The following CNTN3 variants were observed in gnomAD, a reference collection of about 807,000 sequenced individuals.
CNTN3 encodes contactin 3.
Under a neutral mutation model 119.1 loss-of-function variants are expected in CNTN3, and 60 were observed. That is an observed-to-expected ratio of 0.50 (90% CI 0.41 to 0.62). The LOEUF (loss-of-function observed/expected upper bound fraction) is 0.62. Ranked by LOEUF, CNTN3 falls within the 20% of genes least tolerant of loss-of-function variation. The pLI is 0.00. For synonymous variants in CNTN3, 450 were observed against 438.7 expected (o/e 1.03, Z -0.32); for missense variants, 1,101 against 1,242.4 (o/e 0.89, Z 1.71).
Position 74,301,774 on chromosome 3 carries a change from T to C in CNTN3, c.1818A>G (p.Val606=), listed in dbSNP as rs770118460. Residue 606 remains valine, a synonymous_variant, in exon 15 of 23, where the codon GTA becomes GTG. Transcript: ENST00000263665. ...GGGCTGTTGTGTCTGTAATTTCATCTACCTTCACATTTTCTGGTGGTCCAG... is the reference window on the plus strand; with the variant it reads ...GGGCTGTTGTGTCTGTAATTTCATCCACCTTCACATTTTCTGGTGGTCCAG... ...GSPGPPENVK[V]DEITDTTAQL... 6 of 1,614,118 alleles carry C rather than the reference T, an allele frequency of 3.7e-6. No individual in the cohort carries two copies. The highest frequency in any genetic ancestry group is 5.1e-6 in the Non-Finnish European group (6 of 1,179,974).
chr3:74,422,987 G>A lies in CNTN3; in HGVS notation c.454+1858C>T, dbSNP rs1701640790. The stretch of plus-strand genomic sequence containing the variant: ...ATCAGGAGCCATAGAGAAACAGGGT[G>A]TCTGCTTCATTAGGATATTTAGCAT... On this transcript the variant is annotated intron_variant, in intron 5 of 22. Transcript: ENST00000263665. Among the ~76,000 whole-genome samples, 3 of 152,128 alleles carry A rather than the reference G, an allele frequency of 2.0e-5. No individual in the cohort carries two copies. In the South Asian group the frequency reaches 6.2e-4, roughly 31 times the overall value.
intron 1 of CNTN3, among the ~76,000 whole-genome samples, chr3:74,612,177 G>A (rs968497883): frequency 6.6e-6 from 1 of 152,164 alleles, no homozygotes; most frequent in Non-Finnish European, 1.5e-5. Context: ...CTGAATGTGT[G>A]AGAAGGAGTT....
At chr3:74,381,593 G>T (rs1704626002) in intron 5 of CNTN3, among the ~76,000 whole-genome samples, 1 of 152,032 alleles carries the variant, frequency 6.6e-6, no homozygotes, top group African/African-American at 2.4e-5. Context: ...AATAGTGTTT[G>T]TACTACCTCA....
intron 5 of CNTN3, among the ~76,000 whole-genome samples, chr3:74,388,359 C>G (rs1290420096): frequency 1.3e-5 from 2 of 152,026 alleles, no homozygotes; most frequent in African/African-American, 2.4e-5. Context: ...ATCAGATACA[C>G]TCAAACTGAG....
chr3:74,487,851 ATAAAAAGGTAAAT>A (rs1702886736), intron 3 of CNTN3, among the ~76,000 whole-genome samples: 1 of 152,138 alleles, frequency 6.6e-6, no homozygotes, highest in African/African-American at 2.4e-5. Flanking sequence ...GCAATGGTGC[ATAAAAAGGTAAAT>A]TAAAAAATTC....
At chr3:74,325,921 G>A (rs958770537) in intron 13 of CNTN3, among the ~76,000 whole-genome samples, 3 of 152,002 alleles carry the variant, frequency 2.0e-5, no homozygotes, top group Non-Finnish European at 2.9e-5. Context: ...TTAATGACGA[G>A]GCATCATTAC....
At chr3:74,419,318 T>C (rs1226357561) in intron 5 of CNTN3, among the ~76,000 whole-genome samples, 1 of 152,150 alleles carries the variant, frequency 6.6e-6, no homozygotes, top group Non-Finnish European at 1.5e-5. Context: ...AAAACTCCTA[T>C]TCAGTGCGTT....
chr3:74,328,748 C>CT (rs1209891474), intron 13 of CNTN3, among the ~76,000 whole-genome samples: 3 of 152,142 alleles, frequency 2.0e-5, no homozygotes, highest in Admixed American at 1.3e-4. Flanking sequence ...GTATTACCCC[C>CT]TTTTCCAGCT....
At chr3:74,316,811 C>G (rs923064802) in intron 13 of CNTN3, among the ~76,000 whole-genome samples, 1 of 151,866 alleles carries the variant, frequency 6.6e-6, no homozygotes, top group Non-Finnish European at 1.5e-5. Flanking sequence ...GCCTGTAGTC[C>G]CAGCTACTCG....
intron 2 of CNTN3, among the ~76,000 whole-genome samples, chr3:74,518,708 G>T (rs1174802130): frequency 6.6e-6 from 1 of 151,880 alleles, no homozygotes; most frequent in Non-Finnish European, 1.5e-5. Context: ...TGCTTTCAAA[G>T]CATTCCTTAA....
intron 4 of CNTN3, among the ~76,000 whole-genome samples, chr3:74,482,068 A>G (rs2107030172): frequency 6.6e-6 from 1 of 152,030 alleles, no homozygotes; most frequent in East Asian, 1.9e-4. Flanking sequence ...TACTTTTTTC[A>G]AGGAAATGAT....
intron 20 of CNTN3, among the ~76,000 whole-genome samples, chr3:74,284,389 A>C (rs1702069734): frequency 6.6e-6 from 1 of 152,178 alleles, no homozygotes; most frequent in Non-Finnish European, 1.5e-5. Context: ...TGCAAGTAAA[A>C]GTATGGTATC....
chr3:74,365,452 A>C (rs1049591056), intron 9 of CNTN3, 114 bp downstream of exon 9: 22 of 1,348,878 alleles, frequency 1.6e-5, no homozygotes, highest in Non-Finnish European at 2.2e-5. Context: ...AAGTGTGCAA[A>C]CTCAACAGTT....
intron 5 of CNTN3, among the ~76,000 whole-genome samples, chr3:74,415,789 G>C (rs1701510070): frequency 1.3e-5 from 2 of 152,134 alleles, no homozygotes; most frequent in African/African-American, 4.8e-5. Context: ...CTACATCTCA[G>C]CTCCTGAGGC....
chr3:74,513,727 C>T (rs1292655606), intron 2 of CNTN3, among the ~76,000 whole-genome samples: 1 of 151,848 alleles, frequency 6.6e-6, no homozygotes, highest in Non-Finnish European at 1.5e-5. Context: ...TCAGCCTGTG[C>T]AAAAAGTTTG....
intron 1 of CNTN3, among the ~76,000 whole-genome samples, chr3:74,540,709 C>G (rs1028767698): frequency 6.6e-6 from 1 of 152,138 alleles, no homozygotes; most frequent in South Asian, 2.1e-4. Context: ...TACACTGCCT[C>G]CTACCTGCCA....
At chr3:74,445,547 C>G (rs781536078) in intron 4 of CNTN3, among the ~76,000 whole-genome samples, 1 of 152,086 alleles carries the variant, frequency 6.6e-6, no homozygotes, top group Admixed American at 6.6e-5. Flanking sequence ...TTTATGAAAG[C>G]CTTCTACCAG....
chr3:74,341,879 T>C (rs995432094), intron 11 of CNTN3, among the ~76,000 whole-genome samples: 44 of 152,162 alleles, frequency 2.9e-4, no homozygotes, highest in African/African-American at 1.0e-3. Context: ...CCTGCCTATA[T>C]TCTTCTGATC....
chr3:74,540,759 T>C (rs1703831979), intron 1 of CNTN3, among the ~76,000 whole-genome samples: 1 of 152,112 alleles, frequency 6.6e-6, no homozygotes, highest in Admixed American at 6.6e-5. Flanking sequence ...ACTACATACC[T>C]CATCCCTAAT....
Sources: gnomAD v4.1 joint callset for allele counts (sites outside exome capture counted in the v4.1 genomes callset) on GRCh38, gnomAD v4.1.1 for gene constraint, MANE v1.5 for transcripts, NCBI Gene and HGNC (gene_info 2026-07-23, HGNC 2026-07-21) for gene names.